The following FNDC3B variants were observed in gnomAD, a reference collection of about 807,000 sequenced individuals.
The protein encoded by FNDC3B is fibronectin type III domain containing 3B.
Under a neutral mutation model 151.5 loss-of-function variants are expected in FNDC3B, and 12 were observed. That is an observed-to-expected ratio of 0.08 (90% CI 0.05 to 0.13). FNDC3B has a LOEUF of 0.13. Among genes scored for constraint, FNDC3B ranks in the 10% least tolerant of loss-of-function variants. FNDC3B has a pLI of 1.00. For synonymous variants in FNDC3B, 528 were observed against 549.0 expected (o/e 0.96, Z 0.54); for missense variants, 1,214 against 1,505.3 (o/e 0.81, Z 3.20).
chr3:172,114,398 C>A (rs770583400), intron 2 of FNDC3B, among the ~76,000 whole-genome samples: 9 of 152,198 alleles, frequency 5.9e-5, no homozygotes, highest in African/African-American at 9.6e-5. Context: ...GTGGTCACCT[C>A]ATTCCCATTT....
chr3:172,195,276 T>C (rs540760876), intron 3 of FNDC3B, among the ~76,000 whole-genome samples: 9 of 151,598 alleles, frequency 5.9e-5, no homozygotes, highest in Non-Finnish European at 1.2e-4. Context: ...TATAGAAGAG[T>C]ATTTGAACTG....
At chr3:172,153,217 A>AAGG (rs1369222212) in intron 3 of FNDC3B, among the ~76,000 whole-genome samples, 1 of 152,194 alleles carries the variant, frequency 6.6e-6, no homozygotes, top group Non-Finnish European at 1.5e-5. Context: ...CCTCTAAGAA[A>AAGG]AGGAGAAGAA....
intron 3 of FNDC3B, among the ~76,000 whole-genome samples, chr3:172,159,111 T>C (rs940827474): frequency 6.6e-6 from 1 of 152,112 alleles, no homozygotes; most frequent in African/African-American, 2.4e-5. Context: ...AAACCCCCTC[T>C]CTACTAAAAA....
chr3:172,214,824 A>G (rs1725897208), intron 3 of FNDC3B, among the ~76,000 whole-genome samples: 1 of 152,268 alleles, frequency 6.6e-6, no homozygotes, highest in African/African-American at 2.4e-5. Flanking sequence ...CAGTGTTGTC[A>G]AAGACTTTGC....
At chr3:172,394,571 A>G (rs948136182) in intron 25 of FNDC3B, among the ~76,000 whole-genome samples, 3 of 152,178 alleles carry the variant, frequency 2.0e-5, no homozygotes, top group East Asian at 1.9e-4. Flanking sequence ...CAACAGACCA[A>G]TGGGTAAGGA....
chr3:172,384,896 A>G (rs1735629144), intron 25 of FNDC3B, among the ~76,000 whole-genome samples: 1 of 152,256 alleles, frequency 6.6e-6, no homozygotes, highest in South Asian at 2.1e-4. Flanking sequence ...AGTTATAAAC[A>G]AAGTGTTCCT....
At chr3:172,114,378 T>A (rs983080106) in intron 2 of FNDC3B, among the ~76,000 whole-genome samples, 1 of 151,978 alleles carries the variant, frequency 6.6e-6, no homozygotes, top group Non-Finnish European at 1.5e-5. Flanking sequence ...ATGACTTAGG[T>A]CTCTCAGATG....
At chr3:172,268,942 G>A (rs115219319) in intron 6 of FNDC3B, among the ~76,000 whole-genome samples, 4,649 of 152,260 alleles carry the variant, frequency 0.031, 241 homozygotes, top group African/African-American at 0.11. Flanking sequence ...CTATTTAAGT[G>A]TGTCTGTTAA....
chr3:172,126,274 G>A (rs1234905461), intron 2 of FNDC3B, among the ~76,000 whole-genome samples: 1 of 152,174 alleles, frequency 6.6e-6, no homozygotes, highest in African/African-American at 2.4e-5. Context: ...GAGGGGCGGG[G>A]CTGGCTGGAA....
chr3:172,149,821 T>G (rs1722120922), intron 3 of FNDC3B, among the ~76,000 whole-genome samples: 3 of 125,994 alleles, frequency 2.4e-5, no homozygotes, highest in East Asian at 2.2e-4. Context: ...TTTTTTTTTT[T>G]TTTTTTTTTT....
chr3:172,255,665 G>C (rs879897970), intron 6 of FNDC3B, among the ~76,000 whole-genome samples: 5 of 152,194 alleles, frequency 3.3e-5, no homozygotes, highest in Non-Finnish European at 7.3e-5. Flanking sequence ...GCCTCCCAAA[G>C]TGTTGGGATT....
intron 3 of FNDC3B, among the ~76,000 whole-genome samples, chr3:172,152,003 G>A (rs1722251516): frequency 6.6e-6 from 1 of 152,108 alleles, no homozygotes; most frequent in Non-Finnish European, 1.5e-5. Context: ...ATCCACTTGT[G>A]GATACTCAGT....
chr3:172,370,059 G>A (rs1445683386), intron 23 of FNDC3B, among the ~76,000 whole-genome samples: 1 of 152,132 alleles, frequency 6.6e-6, no homozygotes, highest in African/African-American at 2.4e-5. Flanking sequence ...GCAGCCTTTA[G>A]TAGACTACAG....
intron 1 of FNDC3B, among the ~76,000 whole-genome samples, chr3:172,063,324 G>A (rs979018342): frequency 4.6e-5 from 7 of 152,006 alleles, no homozygotes; most frequent in East Asian, 1.9e-4. Flanking sequence ...TTCTTGTATC[G>A]CTGATACTCT....
intron 5 of FNDC3B, among the ~76,000 whole-genome samples, chr3:172,251,055 C>T (rs951446739): frequency 1.7e-4 from 26 of 152,122 alleles, no homozygotes; most frequent in African/African-American, 4.6e-4. Context: ...CAAGCTCAGA[C>T]AGTCCGCCCA....
chr3:172,241,360 G>C (rs192402805), intron 4 of FNDC3B, among the ~76,000 whole-genome samples: 8 of 152,048 alleles, frequency 5.3e-5, no homozygotes, highest in Admixed American at 1.3e-4. Context: ...AGGATTAGTT[G>C]GTTTCTTCTA....
At chr3:172,140,159 C>T (rs1424272745) in intron 3 of FNDC3B, among the ~76,000 whole-genome samples, 1 of 152,130 alleles carries the variant, frequency 6.6e-6, no homozygotes, top group Non-Finnish European at 1.5e-5. Context: ...TTAATCCTCC[C>T]AGGAGGCTCT....
chr3:172,377,389 C>T (rs1735207514), intron 23 of FNDC3B, among the ~76,000 whole-genome samples: 1 of 152,138 alleles, frequency 6.6e-6, no homozygotes, highest in African/African-American at 2.4e-5. Context: ...ATGTTATTTC[C>T]AAAATTTTAC....
chr3:172,369,961 G>GA (rs919571593), intron 23 of FNDC3B, among the ~76,000 whole-genome samples: 80 of 141,454 alleles, frequency 5.7e-4, no homozygotes, highest in Middle Eastern at 3.5e-3. Flanking sequence ...GGGAAATTAA[G>GA]AAAAAAAAAA....
Sources: allele counts gnomAD v4.1 joint callset (sites outside exome capture counted in the v4.1 genomes callset), GRCh38; gene constraint gnomAD v4.1.1; transcripts MANE v1.5; gene names NCBI Gene and HGNC (gene_info 2026-07-23, HGNC 2026-07-21).